Variants in RABEPK observed in about 807,000 individuals in gnomAD.
The protein encoded by RABEPK is Rab9 effector protein with kelch motifs.
A neutral mutation model predicts 34.1 loss-of-function variants in RABEPK; 27 were observed. The ratio of observed to expected loss-of-function variants is 0.79; its 90% CI spans 0.58 to 1.09. The LOEUF is 1.09. RABEPK is among the 50% of genes least tolerant of loss of function. RABEPK has a pLI of 0.00. For missense variants in RABEPK, 449 were observed against 462.6 expected (o/e 0.97, Z 0.27); for synonymous variants, 172 against 169.2 (o/e 1.02, Z -0.13).
rs1236294553 is a variant in RABEPK, at chr9:125,200,785, C to G, written c.-128C>G. The G allele has an allele frequency of 2.1e-6, 1 of 471,248 alleles. No individual in the cohort carries two copies. Among genetic ancestry groups the G allele is most frequent in the Non-Finnish European group, 4.4e-6 (1 of 227,072 alleles). The allele number at this position is 471,248 out of a possible 1,614,324, so 29.2% of individuals were successfully genotyped here. ...CCCCGTCTCCTATCCCCTAGAACTG[C>G]CACGTGGGGATGAGATTTGCTGGGC... On this transcript the variant is annotated 5_prime_UTR_variant, in exon 1 of 8. Coordinates refer to ENST00000373538, the MANE Select transcript of RABEPK (RefSeq NM_005833.4).
chr9:125,209,183 C>G (rs1040303006), intron 3 of RABEPK, among the ~76,000 whole-genome samples: 2 of 151,472 alleles, frequency 1.3e-5, no homozygotes, highest in Non-Finnish European at 2.9e-5. Context: ...GCCTCAGCCT[C>G]CTAAATAGCT....
chr9:125,213,741 G>C (rs770924781), intron 4 of RABEPK, among the ~76,000 whole-genome samples: 1 of 152,188 alleles, frequency 6.6e-6, no homozygotes, highest in African/African-American at 2.4e-5. Context: ...TTTTTAACTT[G>C]TTAAATGTCA....
At position 125,200,589 on chromosome 9, in the gene RABEPK, C is replaced by T; in HGVS notation, c.-324C>T. On this transcript the variant is annotated 5_prime_UTR_variant, in exon 1 of 8. Coordinates refer to ENST00000373538, the MANE Select transcript of RABEPK (RefSeq NM_005833.4). The stretch of plus-strand genomic sequence containing the variant: ...CTAAGTCGCCGCAGGTATTGCAGTC[C>T]GGGGCTGGAGGGTAGGGGCGAGGGT... The T allele has an allele frequency of 2.3e-6, 1 of 431,380 alleles. No homozygotes were observed. The highest frequency in any genetic ancestry group is 4.9e-6 in the Non-Finnish European group (1 of 204,034). 26.7% of individuals were successfully genotyped at this position (431,380 alleles called of 1,614,324 possible). A position where few individuals can be genotyped will look rare whatever the true frequency, so the allele number is the denominator to read the frequency against.
chr9:125,213,430 G>T lies in RABEPK; in HGVS notation c.272G>T (p.Ser91Ile), dbSNP rs775330199. 6.2e-7 allele frequency: 1 copy of T among 1,614,006 alleles called. No homozygotes were observed. Among genetic ancestry groups the T allele is most frequent in the Non-Finnish European group, 8.5e-7 (1 of 1,179,914 alleles). The change falls in exon 4 of 8, where the codon AGC (serine) becomes ATC (isoleucine). Residue 91 changes from serine to isoleucine, a missense_variant. By Grantham distance (142) the Ser-to-Ile change is moderately radical. Transcript: ENST00000373538. ...KGLLPRYEHA[S>I]FIPSCTPDRI... The stretch of plus-strand genomic sequence containing the variant: ...CTCTTGCCCCGGTATGAACATGCTA[G>T]CTTCATTCCCTCCTGCACACCTGAC...
intron 1 of RABEPK, among the ~76,000 whole-genome samples, chr9:125,202,304 T>C (rs868568246): frequency 1.3e-5 from 2 of 150,626 alleles, no homozygotes; most frequent in African/African-American, 4.9e-5. Context: ...GCAAATCACC[T>C]GAGGTCAGGA....
At position 125,207,984 on chromosome 9, in the gene RABEPK, G is replaced by A. The variant is rs554814947; in HGVS notation, c.211+263G>A. Among the ~76,000 whole-genome samples the A allele has an allele frequency of 9.9e-5, 15 of 152,176 alleles. No homozygotes were observed. In the East Asian group the frequency reaches 1.2e-3, roughly 12 times the overall value. The stretch of plus-strand genomic sequence containing the variant: ...TACTAAAAATACAAAAAAATTAGCC[G>A]GGTGTGGTAGTGGGCACCTGTAGTC... On this transcript the variant is annotated intron_variant, in intron 3 of 7. Transcript: ENST00000373538.
chr9:125,233,714 T>C lies in RABEPK; in HGVS notation c.853T>C (p.Phe285Leu), dbSNP rs765618282. The C allele has an allele frequency of 1.7e-5, 27 of 1,614,036 alleles. No homozygotes were observed. The South Asian group carries it at 2.9e-4, about 17-fold the overall frequency. ...AGAGCAGCATTGGACCTTGCTTAAATTTGATACTCTTCTACCCCCTGGACG... is the reference window on the plus strand; with the variant it reads ...AGAGCAGCATTGGACCTTGCTTAAACTTGATACTCTTCTACCCCCTGGACG... Reference protein sequence around the residue: ...TEEQHWTLLKFDTLLPPGRLD... With the variant: ...TEEQHWTLLKLDTLLPPGRLD... Residue 285 changes from phenylalanine (F) to leucine (L), a missense_variant, in exon 8 of 8, where the codon TTT becomes CTT. Physicochemically the swap from Phe to Leu is conservative, Grantham distance 22. Transcript: ENST00000373538.
At chr9:125,218,509 A>G (rs766097635) in intron 4 of RABEPK, among the ~76,000 whole-genome samples, 2 of 152,118 alleles carry the variant, frequency 1.3e-5, no homozygotes, top group South Asian at 2.1e-4. Context: ...GCCCAGGGCA[A>G]TGATGCTGCC....
intron 6 of RABEPK, among the ~76,000 whole-genome samples, chr9:125,230,410 A>AT (rs2131434680): frequency 6.6e-6 from 1 of 152,292 alleles, no homozygotes; most frequent in African/African-American, 2.4e-5. Context: ...ATCTGGCTCC[A>AT]TGACAGCTGA....
chr9:125,226,843 G>A lies in RABEPK; in HGVS notation c.527-1067G>A, dbSNP rs540875964. On this transcript the variant is annotated intron_variant, in intron 5 of 7. Coordinates refer to ENST00000373538, the MANE Select transcript of RABEPK (RefSeq NM_005833.4). ...TGTGCCACTGCACTCCAGCCTGGGC[G>A]ACAGAGCGAGACTCTGTCTGCAAAA... is the stretch of plus-strand genomic sequence containing the variant. 4.9e-3 allele frequency among the ~76,000 whole-genome samples: 744 copies of A among 150,572 alleles called. 7 individuals are homozygous for A. Among genetic ancestry groups the A allele is most frequent in the Non-Finnish European group, 6.8e-3 (459 of 67,798 alleles).
chr9:125,219,259 C>T (rs1368173191), intron 4 of RABEPK, among the ~76,000 whole-genome samples: 3 of 140,384 alleles, frequency 2.1e-5, no homozygotes, highest in African/African-American at 5.4e-5. Context: ...TGCAATGGCA[C>T]GATCATAGTT....
At chr9:125,203,644 A>G (rs1255272742) in intron 2 of RABEPK, among the ~76,000 whole-genome samples, 1 of 152,212 alleles carries the variant, frequency 6.6e-6, no homozygotes, top group Non-Finnish European at 1.5e-5. Flanking sequence ...ACTGGCTTCC[A>G]TGCATCTGTC....
chr9:125,215,562 T>TC (rs1830880979), intron 4 of RABEPK, among the ~76,000 whole-genome samples: 1 of 152,138 alleles, frequency 6.6e-6, no homozygotes, highest in South Asian at 2.1e-4. Flanking sequence ...TTTTCCTGCC[T>TC]CGGCCTCCTG....
At chr9:125,217,435 G>A (rs1050162768) in intron 4 of RABEPK, among the ~76,000 whole-genome samples, 11 of 152,072 alleles carry the variant, frequency 7.2e-5, no homozygotes, top group Admixed American at 7.2e-4. Context: ...GTGTCTCACT[G>A]TGTTGCCAAG....
chr9:125,221,822 T>A (rs1290594671), intron 5 of RABEPK: 1 of 151,892 alleles, frequency 6.6e-6, no homozygotes, highest in East Asian at 2.0e-4. Context: ...ATTACCAGCA[T>A]GCACCAACAT....
At chr9:125,208,780 C>T (rs944644620) in intron 3 of RABEPK, among the ~76,000 whole-genome samples, 1 of 151,966 alleles carries the variant, frequency 6.6e-6, no homozygotes, top group African/African-American at 2.4e-5. Flanking sequence ...CATGATTCAC[C>T]CTTCTTGGCC....
chr9:125,210,277 C>T lies in RABEPK; in HGVS notation c.211+2556C>T, dbSNP rs140136272. Among the ~76,000 whole-genome samples, 82 of 150,438 alleles carry T rather than the reference C, an allele frequency of 5.5e-4. No homozygotes were observed. In the East Asian group the frequency reaches 7.7e-3, roughly 14 times the overall value. On this transcript the variant is annotated intron_variant, in intron 3 of 7. Coordinates refer to ENST00000373538, the MANE Select transcript of RABEPK (RefSeq NM_005833.4). ...AATTAGCCAGGCGTGGTGGCGGGCACCTATAGTCCCAGCTACTCGGGGAGG... is the reference window on the plus strand; with the variant it reads ...AATTAGCCAGGCGTGGTGGCGGGCATCTATAGTCCCAGCTACTCGGGGAGG...
At chr9:125,232,786 C>T in intron 7 of RABEPK, 41 bp downstream of exon 7, 2 of 1,582,298 alleles carry the variant, frequency 1.3e-6, no homozygotes, top group Non-Finnish European at 1.7e-6. Context: ...CAAATCTAAA[C>T]ATTCTTTGAA....
chr9:125,223,270 T>G (rs1408084933), intron 5 of RABEPK, among the ~76,000 whole-genome samples: 1 of 151,800 alleles, frequency 6.6e-6, no homozygotes, highest in African/African-American at 2.4e-5. Flanking sequence ...AAACCCTGTC[T>G]CTACTAAAAA....
Sources: allele counts gnomAD v4.1 joint callset (sites outside exome capture counted in the v4.1 genomes callset), GRCh38; gene constraint gnomAD v4.1.1; transcripts MANE v1.5; gene names NCBI Gene and HGNC (gene_info 2026-07-23, HGNC 2026-07-21).